Variants in L3MBTL4 observed in about 807,000 individuals in gnomAD.
L3MBTL4 encodes the protein lethal(3)malignant brain tumor-like protein 4.
A neutral mutation model predicts 84.5 loss-of-function variants in L3MBTL4; 70 were observed. That is an observed-to-expected ratio of 0.83 (90% CI 0.68 to 1.01). L3MBTL4 has a LOEUF of 1.01. L3MBTL4 is among the 50% of genes least tolerant of loss of function. L3MBTL4 has a pLI of 0.00. For missense variants in L3MBTL4, 715 were observed against 754.8 expected (o/e 0.95, Z 0.62); for synonymous variants, 274 against 259.8 (o/e 1.05, Z -0.52).
intron 11 of L3MBTL4, 65 bp downstream of exon 11, chr18:6,215,685 A>C (rs2046295017): frequency 1.3e-6 from 1 of 790,536 alleles, no homozygotes; most frequent in Admixed American, 2.9e-5. Flanking sequence ...TAAACTGCCA[A>C]ATGTAGGCAT....
intron 10 of L3MBTL4, among the ~76,000 whole-genome samples, chr18:6,216,688 G>A (rs970903545): frequency 2.0e-5 from 3 of 152,050 alleles, no homozygotes; most frequent in Non-Finnish European, 4.4e-5. Flanking sequence ...TAGACAGCTG[G>A]ACACATTTTT....
intron 16 of L3MBTL4, among the ~76,000 whole-genome samples, chr18:6,045,206 C>G (rs1189963597): frequency 6.6e-6 from 1 of 152,164 alleles, no homozygotes; most frequent in East Asian, 1.9e-4. Flanking sequence ...ACCTTATGAG[C>G]CAAAAGGGAT....
Position 6,215,738 on chromosome 18 carries a change from C to T in L3MBTL4, c.870+12G>A. 6.4e-7 allele frequency: 1 copy of T among 1,553,120 alleles called. No individual in the cohort carries two copies. Among genetic ancestry groups the T allele is most frequent in the Non-Finnish European group, 8.8e-7 (1 of 1,133,970 alleles). On this transcript the variant is annotated intron_variant, in intron 11 of 18. Coordinates refer to ENST00000317931, the MANE Select transcript of L3MBTL4 (RefSeq NM_001330559.2). ...GTTTAAAGGTGAGAGTTTGTACCCA[C>T]ATAGAACTTACCATTTTAAAAACTT...
At chr18:5,959,259 C>T (rs1539804) in intron 18 of L3MBTL4, among the ~76,000 whole-genome samples, 56,255 of 152,078 alleles carry the variant, frequency 0.37, 10,699 homozygotes, top group East Asian at 0.49. Flanking sequence ...GAGCTGGAAT[C>T]CGACTTTTCT....
chr18:6,140,037 C>T (rs2060148363), intron 13 of L3MBTL4, among the ~76,000 whole-genome samples: 1 of 152,136 alleles, frequency 6.6e-6, no homozygotes, highest in South Asian at 2.1e-4. Flanking sequence ...AGCTAGTGGC[C>T]CCCAACCCAT....
At chr18:6,065,331 C>G (rs1198643956) in intron 16 of L3MBTL4, among the ~76,000 whole-genome samples, 1 of 151,642 alleles carries the variant, frequency 6.6e-6, no homozygotes, top group Non-Finnish European at 1.5e-5. Flanking sequence ...TATGTCCTTT[C>G]CTGGTTTCGG....
chr18:6,302,747 G>A (rs1161633460), intron 3 of L3MBTL4, among the ~76,000 whole-genome samples: 2 of 152,198 alleles, frequency 1.3e-5, no homozygotes, highest in Non-Finnish European at 2.9e-5. Context: ...CACTTTGGGA[G>A]GCCAAGGTAG....
chr18:5,997,184 T>C lies in L3MBTL4; in HGVS notation c.1445-27622A>G, dbSNP rs543902074. 4.1e-4 allele frequency among the ~76,000 whole-genome samples: 62 copies of C among 150,820 alleles called. 1 individual carries two copies. Among genetic ancestry groups the C allele is most frequent in the Non-Finnish European group, 7.1e-4 (48 of 68,030 alleles). ...GGTATAAGTAATCTAGAGATGATTT[T>C]AAGTATGTGAAAGGAAAATAAATCT... On this transcript the variant is annotated intron_variant, in intron 16 of 18. Coordinates refer to ENST00000317931, the MANE Select transcript of L3MBTL4 (RefSeq NM_001330559.2).
chr18:5,993,333 G>T (rs184014065), intron 16 of L3MBTL4, among the ~76,000 whole-genome samples: 38 of 152,330 alleles, frequency 2.5e-4, no homozygotes, highest in Non-Finnish European at 5.9e-5. Flanking sequence ...ACAAAGCACA[G>T]CTGGGTGAAA....
At chr18:5,958,108 AG>A in intron 18 of L3MBTL4, among the ~76,000 whole-genome samples, 3 of 82,702 alleles carry the variant, frequency 3.6e-5, no homozygotes, top group Admixed American at 2.5e-4. Context: ...AAGAAGAAGA[AG>A]AAGAAGAAGA....
At chr18:6,405,716 T>C (rs1180377627) in intron 1 of L3MBTL4, among the ~76,000 whole-genome samples, 1 of 145,826 alleles carries the variant, frequency 6.9e-6, no homozygotes, top group Non-Finnish European at 1.5e-5. Context: ...CCACTGTGAA[T>C]AGTAAGGCAT....
At chr18:6,214,033 C>T (rs2046224593) in intron 11 of L3MBTL4, among the ~76,000 whole-genome samples, 3 of 152,168 alleles carry the variant, frequency 2.0e-5, no homozygotes, top group Admixed American at 6.5e-5. Flanking sequence ...AGGAGAAACA[C>T]GATCCTTTAT....
chr18:6,341,139 G>T lies in L3MBTL4; in HGVS notation c.-90-29083C>A, dbSNP rs1230189523. On this transcript the variant is annotated intron_variant, in intron 1 of 18. Coordinates refer to ENST00000317931, the MANE Select transcript of L3MBTL4 (RefSeq NM_001330559.2). ...TCACTGGTGAAGGTCTTTCTCTCTTGAAGCCAGTCAGTAAAGGCTGGAAGA... is the reference window on the plus strand; with the variant it reads ...TCACTGGTGAAGGTCTTTCTCTCTTTAAGCCAGTCAGTAAAGGCTGGAAGA... Among the ~76,000 whole-genome samples the T allele has an allele frequency of 2.0e-5, 3 of 152,150 alleles. No homozygotes were observed. In the South Asian group the frequency reaches 6.2e-4, roughly 32 times the overall value.
chr18:6,163,692 T>G (rs1230097537), intron 13 of L3MBTL4, among the ~76,000 whole-genome samples: 1 of 151,978 alleles, frequency 6.6e-6, no homozygotes, highest in Non-Finnish European at 1.5e-5. Flanking sequence ...AAAAAGTGAA[T>G]TAGAGGGTGA....
At chr18:6,190,747 G>A (rs1345496026) in intron 12 of L3MBTL4, among the ~76,000 whole-genome samples, 1 of 152,200 alleles carries the variant, frequency 6.6e-6, no homozygotes, top group Non-Finnish European at 1.5e-5. Flanking sequence ...AAGCTGGAAA[G>A]GTGAGAGCCG....
intron 16 of L3MBTL4, among the ~76,000 whole-genome samples, chr18:6,013,650 T>A (rs2054834731): frequency 6.6e-6 from 1 of 152,224 alleles, no homozygotes; most frequent in Admixed American, 6.5e-5. Context: ...GCTCTTGAAG[T>A]ACTGCATATG....
intron 4 of L3MBTL4, among the ~76,000 whole-genome samples, chr18:6,283,002 C>T (rs2049392908): frequency 6.6e-6 from 1 of 152,216 alleles, no homozygotes; most frequent in African/African-American, 2.4e-5. Flanking sequence ...AGTGCATTCA[C>T]TGATCTTGGG....
At chr18:6,288,292 A>G (rs1388515651) in intron 4 of L3MBTL4, among the ~76,000 whole-genome samples, 2 of 152,216 alleles carry the variant, frequency 1.3e-5, no homozygotes, top group Non-Finnish European at 2.9e-5. Context: ...AGTCATCAAG[A>G]AATCCCTTAA....
intron 14 of L3MBTL4, among the ~76,000 whole-genome samples, chr18:6,115,480 A>G (rs2059329068): frequency 6.6e-6 from 1 of 152,210 alleles, no homozygotes; most frequent in African/African-American, 2.4e-5. Context: ...ATAACTGGAC[A>G]CATGATTCTA....
Sources: allele counts gnomAD v4.1 joint callset (sites outside exome capture counted in the v4.1 genomes callset), GRCh38; gene constraint gnomAD v4.1.1; transcripts MANE v1.5; gene names NCBI Gene and HGNC (gene_info 2026-07-23, HGNC 2026-07-21).